The following SP100 variants were observed in gnomAD, a reference collection of about 807,000 sequenced individuals.
SP100 encodes nuclear autoantigen Sp-100.
Under a neutral mutation model 130.0 loss-of-function variants are expected in SP100, and 84 were observed. The ratio of observed to expected loss-of-function variants is 0.65; its 90% CI spans 0.54 to 0.77. The LOEUF (loss-of-function observed/expected upper bound fraction) is 0.77, where lower values mean the gene tolerates loss of function less well. Ranked by LOEUF, SP100 falls within the 30% of genes least tolerant of loss-of-function variation. The probability of loss-of-function intolerance (pLI) is 0.00; values close to 1 mark genes in which losing one functional copy is unlikely to be tolerated. For missense variants in SP100, 978 were observed against 1,052.2 expected, an observed-to-expected ratio of 0.93 and a Z score of 0.97; for synonymous variants, 331 against 351.7, an observed-to-expected ratio of 0.94 and a Z score of 0.66.
chr2:230,425,740 A>C (rs1189208731), intron 2 of SP100, among the ~76,000 whole-genome samples: 2 of 151,940 alleles, frequency 1.3e-5, no homozygotes, highest in East Asian at 1.9e-4. Context: ...TAGTATACTA[A>C]TCTGGCTTAG....
At position 230,542,029 on chromosome 2, in the gene SP100, T is replaced by A. The variant is rs1360752487; in HGVS notation, c.2541T>A (p.Phe847Leu). The part of the protein sequence containing the change: ...MRLIFHNHKE[F>L]YREDKFTRLG... ...TCATCTTTCATAACCACAAGGAATT[T>A]TACAGGGTGAGTGGCTCTCCCTGCT... Residue 847 changes from phenylalanine to leucine, a missense_variant, in exon 28 of 29, where the codon TTT (phenylalanine) becomes TTA (leucine). Physicochemically the swap from Phe to Leu is conservative, Grantham distance 22 (BLOSUM62 0). Transcript: ENST00000340126. 1 of 1,614,036 alleles carries A rather than the reference T, an allele frequency of 6.2e-7. No homozygotes were observed. Among genetic ancestry groups the A allele is most frequent in the Non-Finnish European group, 8.5e-7 (1 of 1,179,922 alleles).
At chr2:230,440,842 T>C (rs1253514802) in intron 2 of SP100, among the ~76,000 whole-genome samples, 1 of 152,112 alleles carries the variant, frequency 6.6e-6, no homozygotes, top group Non-Finnish European at 1.5e-5. Context: ...TGGTATAGCA[T>C]AGAAAGTACA....
intron 2 of SP100, among the ~76,000 whole-genome samples, chr2:230,436,941 C>CATATATGTGTATACACACAT (rs2063303863): frequency 8.0e-6 from 1 of 124,416 alleles, no homozygotes; most frequent in African/African-American, 3.4e-5. Flanking sequence ...TATACACACA[C>CATATATGTGTATACACACAT]GCATATATGT....
intron 23 of SP100, chr2:230,510,631 C>CT (rs374903177): frequency 0.83 from 135,620 of 163,272 alleles, 56,819 homozygotes; most frequent in Middle Eastern, 0.92. Flanking sequence ...CTCCCTCAGC[C>CT]CACTACAGGT....
chr2:230,465,617 GAGA>G (rs1177017134), intron 11 of SP100, among the ~76,000 whole-genome samples: 5 of 152,106 alleles, frequency 3.3e-5, no homozygotes, highest in African/African-American at 1.2e-4. Flanking sequence ...GGAGGGAGAG[GAGA>G]AGAAAAGATA....
At chr2:230,488,681 G>A (rs941939887) in intron 17 of SP100, among the ~76,000 whole-genome samples, 2 of 152,210 alleles carry the variant, frequency 1.3e-5, no homozygotes, top group Non-Finnish European at 2.9e-5. Context: ...CCAAAGTCCT[G>A]GGATTACAGG....
intron 25 of SP100, among the ~76,000 whole-genome samples, chr2:230,540,087 C>T (rs1692109224): frequency 6.6e-6 from 1 of 152,164 alleles, no homozygotes; most frequent in South Asian, 2.1e-4. Flanking sequence ...CTGCTTTTGA[C>T]CAGTTGGCCA....
intron 19 of SP100, among the ~76,000 whole-genome samples, chr2:230,500,870 G>C (rs1417269406): frequency 2.6e-5 from 4 of 152,198 alleles, no homozygotes; most frequent in Admixed American, 2.6e-4. Context: ...TTACCTGAGA[G>C]ACAAGGAACG....
chr2:230,501,507 C>T (rs939264343), intron 19 of SP100, among the ~76,000 whole-genome samples: 1 of 152,036 alleles, frequency 6.6e-6, no homozygotes, highest in Admixed American at 6.6e-5. Flanking sequence ...ACAAAAAAAC[C>T]TCTAAGTAAT....
At chr2:230,462,029 A>G (rs1382989261) in intron 9 of SP100, among the ~76,000 whole-genome samples, 1 of 152,052 alleles carries the variant, frequency 6.6e-6, no homozygotes, top group Non-Finnish European at 1.5e-5. Flanking sequence ...AAAAAAAATC[A>G]GAGAGCCAAG....
At chr2:230,500,169 T>A (rs1023794995) in intron 19 of SP100, among the ~76,000 whole-genome samples, 1 of 152,212 alleles carries the variant, frequency 6.6e-6, no homozygotes, top group African/African-American at 2.4e-5. Flanking sequence ...AACTTTTAAT[T>A]TTTTCTGACC....
intron 24 of SP100, among the ~76,000 whole-genome samples, chr2:230,533,934 C>G (rs1691815686): frequency 6.6e-6 from 1 of 152,074 alleles, no homozygotes; most frequent in Non-Finnish European, 1.5e-5. Flanking sequence ...ATACACTATA[C>G]AAAGGTGAAA....
chr2:230,501,248 C>T (rs1212410825), intron 19 of SP100, among the ~76,000 whole-genome samples: 1 of 151,820 alleles, frequency 6.6e-6, no homozygotes, highest in African/African-American at 2.4e-5. Context: ...AAGACTCGGT[C>T]TCAAAAAAAA....
chr2:230,507,555 A>G (rs778898252), intron 22 of SP100, among the ~76,000 whole-genome samples: 5 of 152,174 alleles, frequency 3.3e-5, no homozygotes, highest in Non-Finnish European at 7.3e-5. Context: ...TTCTCACAAG[A>G]GACACCTGCA....
At chr2:230,474,303 C>G (rs1223623311) in intron 16 of SP100, 91 bp from the exon 17 acceptor site, 2 of 712,580 alleles carry the variant, frequency 2.8e-6, no homozygotes, top group African/African-American at 1.9e-5. Context: ...TTGTTATAAA[C>G]GCAAGCCTTC....
chr2:230,489,679 C>A lies in SP100; in HGVS notation c.1601-4737C>A, dbSNP rs183820277. Among the ~76,000 whole-genome samples the A allele has an allele frequency of 7.0e-3, 1,065 of 152,274 alleles. 6 individuals are homozygous for A. The highest frequency in any genetic ancestry group is 0.012 in the South Asian group (59 of 4,832). The stretch of plus-strand genomic sequence containing the variant: ...GCTATAAATTTCCCTCTTAATACTG[C>A]TTTAGCTGTGTCCCAGAGATTTTGG... On this transcript the variant is annotated intron_variant, in intron 17 of 28. Transcript: ENST00000340126.
chr2:230,541,490 T>A, intron 27 of SP100, 118 bp downstream of exon 27: 1 of 792,668 alleles, frequency 1.3e-6, no homozygotes, highest in Admixed American at 2.5e-5. Flanking sequence ...TTCAGGCTAC[T>A]ATAGAAATTT....
At chr2:230,532,075 A>G (rs1691725492) in intron 24 of SP100, among the ~76,000 whole-genome samples, 1 of 152,052 alleles carries the variant, frequency 6.6e-6, no homozygotes, top group African/African-American at 2.4e-5. Flanking sequence ...CCAACAATTC[A>G]TTATTTTCTC....
intron 8 of SP100, 34 bp downstream of exon 8, chr2:230,450,289 T>G (rs780830620): frequency 6.6e-7 from 1 of 1,522,254 alleles, no homozygotes; most frequent in African/African-American, 1.4e-5. Context: ...TTTTCTTTCC[T>G]TTCTTATTCA....
Sources: gnomAD v4.1 joint callset for allele counts (sites outside exome capture counted in the v4.1 genomes callset) on GRCh38, gnomAD v4.1.1 for gene constraint, MANE v1.5 for transcripts, NCBI Gene and HGNC (gene_info 2026-07-23, HGNC 2026-07-21) for gene names.